The following STK3 variants were observed in gnomAD, a reference collection of about 807,000 sequenced individuals.
STK3 encodes serine/threonine kinase 3.
Under a neutral mutation model 58.0 loss-of-function variants are expected in STK3, and 41 were observed. The ratio of observed to expected loss-of-function variants is 0.71; its 90% confidence interval spans 0.55 to 0.92. The LOEUF is 0.92. STK3 is among the 40% of genes least tolerant of loss of function. STK3 has a pLI of 0.00. For synonymous variants in STK3, 170 were observed against 191.0 expected (o/e 0.89, Z 0.91); for missense variants, 479 against 602.7 (o/e 0.79, Z 2.15).
At chr8:98,591,084 C>G (rs369018308) in intron 7 of STK3, among the ~76,000 whole-genome samples, 3 of 152,256 alleles carry the variant, frequency 2.0e-5, no homozygotes, top group East Asian at 3.9e-4. Flanking sequence ...CTTTACAATG[C>G]TGCAAAAGTG....
chr8:98,445,391 A>G (rs1355349198), intron 1 of STK3, among the ~76,000 whole-genome samples: 2 of 152,012 alleles, frequency 1.3e-5, no homozygotes, highest in Non-Finnish European at 2.9e-5. Flanking sequence ...ATTTTTTAAA[A>G]GTAAAAGAAA....
intron 3 of STK3, among the ~76,000 whole-genome samples, chr8:98,762,013 G>T (rs1008816025): frequency 1.6e-4 from 25 of 152,070 alleles, no homozygotes; most frequent in African/African-American, 5.6e-4. Context: ...TCTTCTCTTT[G>T]CCCAGCAAAT....
intron 3 of STK3, among the ~76,000 whole-genome samples, chr8:98,851,891 G>A (rs1002268064): frequency 4.1e-4 from 63 of 152,176 alleles, no homozygotes; most frequent in African/African-American, 1.4e-3. Context: ...TAGAGGCTAA[G>A]GTGTGAGGAT....
chr8:98,416,755 C>T (rs753214368), intron 3 of STK3, among the ~76,000 whole-genome samples: 3 of 152,216 alleles, frequency 2.0e-5, no homozygotes, highest in Non-Finnish European at 4.4e-5. Context: ...TTGAGTCACA[C>T]GTAAGCAGAG....
chr8:98,749,059 T>C (rs1158447840), intron 4 of STK3, among the ~76,000 whole-genome samples: 2 of 151,896 alleles, frequency 1.3e-5, no homozygotes, highest in Non-Finnish European at 2.9e-5. Context: ...CACCAAAAAT[T>C]ATCCTAATAA....
chr8:98,614,499 C>A (rs1232528197), intron 6 of STK3, among the ~76,000 whole-genome samples: 1 of 152,182 alleles, frequency 6.6e-6, no homozygotes, highest in Admixed American at 6.5e-5. Context: ...CAGCTCCCAG[C>A]GAGAGCGATG....
At chr8:98,346,532 A>G in the STK3 span, among the ~76,000 whole-genome samples, 1 of 152,154 alleles carries the variant, frequency 6.6e-6, no homozygotes, top group South Asian at 2.1e-4. Flanking sequence ...ATTTCATAAA[A>G]GCACATCAGT....
chr8:98,924,399 C>A (rs1231320261), intron 1 of STK3, among the ~76,000 whole-genome samples: 4 of 152,162 alleles, frequency 2.6e-5, no homozygotes, highest in African/African-American at 9.7e-5. Flanking sequence ...AAGCAGGCAG[C>A]CCTGGGTAGA....
chr8:98,347,535 AAAAAAAAC>A, the STK3 span, among the ~76,000 whole-genome samples: 77 of 94,264 alleles, frequency 8.2e-4, 1 homozygote, highest in African/African-American at 2.4e-3. Context: ...AAAAAAAACC[AAAAAAAAC>A]CACAGCGTAT....
At chr8:98,795,788 T>A (rs1179838547) in intron 1 of STK3, among the ~76,000 whole-genome samples, 1 of 148,192 alleles carries the variant, frequency 6.7e-6, no homozygotes, top group Non-Finnish European at 1.5e-5. Flanking sequence ...CCATTTACAA[T>A]GGCCACAAAA....
chr8:98,809,116 G>C (rs1395724456), intron 1 of STK3, among the ~76,000 whole-genome samples: 1 of 152,184 alleles, frequency 6.6e-6, no homozygotes, highest in Non-Finnish European at 1.5e-5. Flanking sequence ...CTGCACTGGG[G>C]ACCCTTCCAG....
chr8:98,574,185 G>A (rs527913888), intron 8 of STK3, among the ~76,000 whole-genome samples: 2 of 152,208 alleles, frequency 1.3e-5, no homozygotes, highest in East Asian at 3.9e-4. Context: ...TGAACTGGGT[G>A]GTCTAGCAAA....
chr8:98,732,927 G>T (rs1828313131), intron 4 of STK3, among the ~76,000 whole-genome samples: 1 of 152,124 alleles, frequency 6.6e-6, no homozygotes, highest in African/African-American at 2.4e-5. Context: ...ATAACAACAT[G>T]ATCCTAACAT....
chr8:98,904,277 A>G (rs535041798), intron 1 of STK3, among the ~76,000 whole-genome samples: 2 of 152,122 alleles, frequency 1.3e-5, no homozygotes, highest in Non-Finnish European at 2.9e-5. Context: ...GAAGTATTCA[A>G]CTCCTAGGGA....
At chr8:98,865,549 T>C (rs1408918171) in intron 3 of STK3, among the ~76,000 whole-genome samples, 4 of 152,130 alleles carry the variant, frequency 2.6e-5, no homozygotes, top group Non-Finnish European at 5.9e-5. Context: ...AAAAATATTT[T>C]TAGAGATGGT....
intron 2 of STK3, among the ~76,000 whole-genome samples, chr8:98,371,830 T>C (rs1361889808): frequency 6.6e-6 from 1 of 152,280 alleles, no homozygotes; most frequent in East Asian, 1.9e-4. Flanking sequence ...TCCTAGGACA[T>C]AGGACATGGT....
chr8:98,802,107 G>A (rs1386691482), intron 1 of STK3, among the ~76,000 whole-genome samples: 1 of 152,186 alleles, frequency 6.6e-6, no homozygotes, highest in East Asian at 1.9e-4. Flanking sequence ...AGGAGTATGA[G>A]GTTATAGTGA....
At chr8:98,417,280 C>T (rs920239079) in intron 3 of STK3, among the ~76,000 whole-genome samples, 1 of 151,996 alleles carries the variant, frequency 6.6e-6, no homozygotes, top group Non-Finnish European at 1.5e-5. Flanking sequence ...TTTGGGAGGC[C>T]GAGGTGGGTG....
At chr8:98,410,173 A>G (rs1421213063) in intron 3 of STK3, among the ~76,000 whole-genome samples, 1 of 152,248 alleles carries the variant, frequency 6.6e-6, no homozygotes, top group East Asian at 1.9e-4. Flanking sequence ...TTAGAAGGCA[A>G]TCTGACTCAA....
Sources: gnomAD v4.1 joint callset for allele counts (sites outside exome capture counted in the v4.1 genomes callset) on GRCh38, gnomAD v4.1.1 for gene constraint, MANE v1.5 for transcripts, NCBI Gene and HGNC (gene_info 2026-07-23, HGNC 2026-07-21) for gene names.